The following CTXN2 variants were observed in gnomAD, a reference collection of about 807,000 sequenced individuals.
CTXN2 encodes cortexin 2.
Under a neutral mutation model 5.7 loss-of-function variants are expected in CTXN2, and 3 were observed. The observed-to-expected ratio is 0.53, with a 90% confidence interval of 0.24 to 1.36. The LOEUF is 1.36. CTXN2 is among the 40% of genes most tolerant of loss of function. The pLI is 0.17. For missense variants in CTXN2, 87 were observed against 93.0 expected (o/e 0.94, Z 0.26); for synonymous variants, 38 against 36.4 (o/e 1.04, Z -0.16).
chr15:48,187,508 C>T (rs1017312038), upstream of CTXN2, among the ~76,000 whole-genome samples: 11 of 152,084 alleles, frequency 7.2e-5, no homozygotes, highest in Non-Finnish European at 1.0e-4. Flanking sequence ...CCAAACAAGA[C>T]GTAGATTTTC....
upstream of CTXN2, chr15:48,189,320 A>G (rs1288222310): frequency 2.0e-5 from 3 of 152,236 alleles, no homozygotes; most frequent in Non-Finnish European, 4.4e-5. Context: ...CTACCTTTTA[A>G]ACTAAGTGAG....
chr15:48,201,351 A>G lies in CTXN2; in HGVS notation c.51A>G (p.Glu17=). The G allele has an allele frequency of 6.4e-7, 1 of 1,551,292 alleles. No homozygotes were observed. Among genetic ancestry groups the G allele is most frequent in the South Asian group, 1.2e-5 (1 of 84,064 alleles). Residue 17 remains glutamate, a synonymous_variant, in exon 2 of 2, where the codon GAA becomes GAG. Coordinates refer to ENST00000417307, the MANE Select transcript of CTXN2 (RefSeq NM_001145668.2). The part of the protein sequence containing the change: ...GNSSAKMSVN[E]VSAFSLTLEQ... ...CTTCAGCTAAGATGAGTGTCAACGA[A>G]GTATCAGCTTTCTCATTGACTCTGG... is the stretch of plus-strand genomic sequence containing the variant.
intron 1 of CTXN2, among the ~76,000 whole-genome samples, chr15:48,182,155 C>A (rs887148611): frequency 1.3e-5 from 2 of 152,002 alleles, no homozygotes; most frequent in African/African-American, 4.8e-5. Flanking sequence ...CCCAATACAC[C>A]CTCATTACAC....
At chr15:48,193,606 T>C (rs2040847589) in intron 1 of CTXN2, among the ~76,000 whole-genome samples, 2 of 152,078 alleles carry the variant, frequency 1.3e-5, no homozygotes, top group Non-Finnish European at 1.5e-5. Flanking sequence ...GGCATTACAG[T>C]GTCTGTTGTG....
At chr15:48,183,002 A>G (rs2040713520) in intron 1 of CTXN2, among the ~76,000 whole-genome samples, 1 of 152,158 alleles carries the variant, frequency 6.6e-6, no homozygotes, top group African/African-American at 2.4e-5. Context: ...TGCAGCCACT[A>G]CTGAAATTGA....
chr15:48,184,032 A>T (rs1213893107), intron 1 of CTXN2, among the ~76,000 whole-genome samples: 2 of 152,216 alleles, frequency 1.3e-5, no homozygotes, highest in Non-Finnish European at 2.9e-5. Context: ...ACTGTAGACT[A>T]AAAAATTATT....
chr15:48,179,345 C>T (rs1386559784), intron 1 of CTXN2, among the ~76,000 whole-genome samples: 1 of 152,138 alleles, frequency 6.6e-6, no homozygotes, highest in Non-Finnish European at 1.5e-5. Context: ...ATTTCATCTT[C>T]GGCTTTTCAA....
At chr15:48,180,557 G>T (rs1298614618) in intron 1 of CTXN2, among the ~76,000 whole-genome samples, 2 of 152,100 alleles carry the variant, frequency 1.3e-5, no homozygotes, top group Non-Finnish European at 2.9e-5. Context: ...TGTCACCCAG[G>T]CTGGAGTGCA....
At chr15:48,189,619 A>T (rs547519252), upstream of CTXN2, 3 of 152,360 alleles carry the variant, frequency 2.0e-5, no homozygotes, top group East Asian at 5.8e-4. Context: ...ATTCATAAAA[A>T]ATTGTTCATA....
Position 48,203,005 on chromosome 15 carries a change from G to C in CTXN2, c.*1459G>C, listed in dbSNP as rs2040940369. Reference sequence around the variant, plus strand: ...TAAGTTAGTTACTTTCAATTTATTTGATACTCTTATAAATTCTTTGAGTTG... The same window carrying C: ...TAAGTTAGTTACTTTCAATTTATTTCATACTCTTATAAATTCTTTGAGTTG... On this transcript the variant is annotated 3_prime_UTR_variant, in exon 2 of 2. Transcript: ENST00000417307. 1 of 166,722 alleles carries C rather than the reference G, an allele frequency of 6.0e-6. No homozygotes were observed. The highest frequency in any genetic ancestry group is 1.9e-4 in the East Asian group (1 of 5,198). The allele number at this position is 166,722 out of a possible 1,614,324, so 10.3% of individuals were successfully genotyped here.
At chr15:48,189,719 T>C (rs1236349201), upstream of CTXN2, among the ~76,000 whole-genome samples, 1 of 152,216 alleles carries the variant, frequency 6.6e-6, no homozygotes, top group Non-Finnish European at 1.5e-5. Context: ...CATAGAATAA[T>C]AGATGGAATA....
intron 1 of CTXN2, chr15:48,178,510 C>CCA: frequency 5.2e-6 from 2 of 385,142 alleles, no homozygotes; most frequent in East Asian, 8.7e-5. Context: ...GAGGGCTGGA[C>CCA]CAGTCCTGAA....
In CTXN2 at chr15:48,203,396, G is replaced by A. The variant is rs1327809769; in HGVS notation, c.*1850G>A. ...CAGTTGGTTCAAGAGTGTAGGCCTG[G>A]TACACCTCATAGCCAGTTAGTAACT... On this transcript the variant is annotated 3_prime_UTR_variant, in exon 2 of 2. Coordinates refer to ENST00000417307, the MANE Select transcript of CTXN2 (RefSeq NM_001145668.2). 2 of 166,984 alleles carry A rather than the reference G, an allele frequency of 1.2e-5. No individual in the cohort carries two copies. The highest frequency in any genetic ancestry group is 2.9e-5 in the Non-Finnish European group (2 of 68,114). The allele number at this position is 166,984 out of a possible 1,614,324, so 10.3% of individuals were successfully genotyped here. A position where few individuals can be genotyped will look rare whatever the true frequency, so the allele number is the denominator to read the frequency against.
intron 1 of CTXN2, among the ~76,000 whole-genome samples, chr15:48,194,521 A>C (rs1018843122): frequency 6.6e-6 from 1 of 152,134 alleles, no homozygotes; most frequent in Non-Finnish European, 1.5e-5. Flanking sequence ...CCTGTTTTCC[A>C]GTGCTTAGTT....
chr15:48,196,031 GC>G (rs1458306144), intron 1 of CTXN2, among the ~76,000 whole-genome samples: 2 of 152,028 alleles, frequency 1.3e-5, no homozygotes, highest in South Asian at 4.1e-4. Flanking sequence ...GTGAATATAT[GC>G]AGTGTTACTT....
rs894855299 is a variant in CTXN2 at position 48,201,715 on chromosome 15, T to G, written c.*169T>G. 1.8e-5 allele frequency: 12 copies of G among 685,058 alleles called. No individual in the cohort carries two copies. In the African/African-American group the frequency reaches 2.0e-4, roughly 11 times the overall value. The allele number at this position is 685,058 out of a possible 1,614,324, so 42.4% of individuals were successfully genotyped here. On this transcript the variant is annotated 3_prime_UTR_variant, in exon 2 of 2. Coordinates refer to ENST00000417307, the MANE Select transcript of CTXN2 (RefSeq NM_001145668.2). ...TGTAAATGATAAACTATTGTTGGGA[T>G]TCCTCACTTTCCTCTGTTCCCACTT...
At position 48,200,494 on chromosome 15, in the gene CTXN2, G is replaced by T. The variant is rs536474466; in HGVS notation, c.-57-750G>T. On this transcript the variant is annotated intron_variant, in intron 1 of 1. Coordinates refer to ENST00000417307, the MANE Select transcript of CTXN2 (RefSeq NM_001145668.2). ...GGGAGCTTGTCTTGAAGTTGAATTT[G>T]CAGAGAAAGCATGCTGTTTAACTTG... is the stretch of plus-strand genomic sequence containing the variant. Among the ~76,000 whole-genome samples the T allele has an allele frequency of 6.6e-5, 10 of 152,266 alleles. No homozygotes were observed. In the South Asian group the frequency reaches 2.1e-3, roughly 32 times the overall value.
chr15:48,202,592 T>A lies in CTXN2; in HGVS notation c.*1046T>A, dbSNP rs763515177. The A allele has an allele frequency of 6.0e-6, 1 of 167,052 alleles. No individual in the cohort carries two copies. Among genetic ancestry groups the A allele is most frequent in the South Asian group, 2.1e-4 (1 of 4,832 alleles). The allele number at this position is 167,052 out of a possible 1,614,324, so 10.3% of individuals were successfully genotyped here. A position where few individuals can be genotyped will look rare whatever the true frequency, so the allele number is the denominator to read the frequency against. On this transcript the variant is annotated 3_prime_UTR_variant, in exon 2 of 2. Transcript: ENST00000417307. ...ACAACAAGAATTAAGAAACCCATCC[T>A]GCATGTCTTCAGCAATATTGAGAGG... is the stretch of plus-strand genomic sequence containing the variant.
upstream of CTXN2, among the ~76,000 whole-genome samples, chr15:48,187,056 A>G (rs984853434): frequency 3.3e-5 from 5 of 152,150 alleles, no homozygotes; most frequent in Non-Finnish European, 4.4e-5. Flanking sequence ...ATGAACTTCC[A>G]GAGATCCATG....
Sources: gnomAD v4.1 joint callset for allele counts (sites outside exome capture counted in the v4.1 genomes callset) on GRCh38, gnomAD v4.1.1 for gene constraint, MANE v1.5 for transcripts, NCBI Gene and HGNC (gene_info 2026-07-23, HGNC 2026-07-21) for gene names.